The following PIP4K2A variants were observed in gnomAD, a reference collection of about 807,000 sequenced individuals.
The protein encoded by PIP4K2A is phosphatidylinositol-5-phosphate 4-kinase type 2 alpha.
In PIP4K2A, 14 loss-of-function variants were observed where a neutral mutation model predicts 42.9. The observed-to-expected ratio is 0.33, with a 90% confidence interval of 0.22 to 0.51. The LOEUF is 0.51. PIP4K2A is among the 20% of genes least tolerant of loss of function. The pLI, the probability that PIP4K2A is intolerant of heterozygous loss-of-function variation, is 0.97. For synonymous variants in PIP4K2A, 192 were observed against 192.2 expected, an observed-to-expected ratio of 1.00 and a Z score of 0.01; for missense variants, 434 against 519.8, an observed-to-expected ratio of 0.83 and a Z score of 1.61.
intron 8 of PIP4K2A, among the ~76,000 whole-genome samples, chr10:22,541,420 T>A (rs1202687191): frequency 6.6e-6 from 1 of 152,256 alleles, no homozygotes; most frequent in Non-Finnish European, 1.5e-5. Flanking sequence ...CAAAAACGTA[T>A]TAATATTTTA....
chr10:22,711,812 C>A (rs1004516898), intron 1 of PIP4K2A, among the ~76,000 whole-genome samples: 2 of 152,124 alleles, frequency 1.3e-5, no homozygotes, highest in African/African-American at 2.4e-5. Context: ...AAAATGAAAT[C>A]AAACCAGAAA....
rs74121865 is a variant in PIP4K2A, at chr10:22,629,437, C to T, written c.145-19720G>A. 2.2e-3 allele frequency among the ~76,000 whole-genome samples: 333 copies of T among 152,052 alleles called. 1 individual carries two copies. Among genetic ancestry groups the T allele is most frequent in the African/African-American group, 7.4e-3 (307 of 41,474 alleles). On this transcript the variant is annotated intron_variant, in intron 1 of 9. Coordinates refer to ENST00000376573, the MANE Select transcript of PIP4K2A (RefSeq NM_005028.5). ...TAGAATGGAATGACAATTTTTATTT[C>T]GAGGAAAGCAATCTATGCTAACTAT...
At chr10:22,564,158 G>A (rs553079510) in intron 6 of PIP4K2A, among the ~76,000 whole-genome samples, 6 of 152,284 alleles carry the variant, frequency 3.9e-5, no homozygotes, top group Middle Eastern at 3.4e-3. Flanking sequence ...GTGCAACAGC[G>A]GAACGGAAGA....
At chr10:22,664,152 CACAT>C (rs1370515192) in intron 1 of PIP4K2A, among the ~76,000 whole-genome samples, 634 of 20,772 alleles carry the variant, frequency 0.031, 52 homozygotes, top group African/African-American at 0.13. Flanking sequence ...CATATATATA[CACAT>C]ATATATATAT....
intron 1 of PIP4K2A, among the ~76,000 whole-genome samples, chr10:22,682,401 A>G (rs1839681781): frequency 6.6e-6 from 1 of 152,218 alleles, no homozygotes; most frequent in South Asian, 2.1e-4. Context: ...TTTTCTAGAA[A>G]AGGCCAGCAA....
intron 1 of PIP4K2A, among the ~76,000 whole-genome samples, chr10:22,708,022 G>A (rs921672978): frequency 1.3e-5 from 2 of 152,210 alleles, no homozygotes; most frequent in African/African-American, 4.8e-5. Flanking sequence ...AGCTAGGGGG[G>A]TTTAATATCA....
intron 1 of PIP4K2A, among the ~76,000 whole-genome samples, chr10:22,695,274 A>G (rs538238981): frequency 2.0e-5 from 3 of 152,336 alleles, no homozygotes; most frequent in East Asian, 3.9e-4. Context: ...GTATAAGACA[A>G]AATAATTCAG....
At chr10:22,593,788 C>T (rs1250163552) in intron 3 of PIP4K2A, among the ~76,000 whole-genome samples, 3 of 152,146 alleles carry the variant, frequency 2.0e-5, no homozygotes, top group Non-Finnish European at 4.4e-5. Context: ...TTATGAAAGC[C>T]AGGTGGAGCA....
intron 4 of PIP4K2A, among the ~76,000 whole-genome samples, chr10:22,586,633 C>A (rs1162892172): frequency 6.6e-6 from 1 of 152,128 alleles, no homozygotes; most frequent in African/African-American, 2.4e-5. Flanking sequence ...TGGGTTCAAG[C>A]GATTCTCATG....
At chr10:22,566,179 G>A (rs1189098758) in intron 6 of PIP4K2A, among the ~76,000 whole-genome samples, 2 of 152,098 alleles carry the variant, frequency 1.3e-5, no homozygotes, top group African/African-American at 4.8e-5. Flanking sequence ...AAAACTTGCT[G>A]TTTTTTGTGG....
chr10:22,708,619 C>T (rs994488404), intron 1 of PIP4K2A, among the ~76,000 whole-genome samples: 1 of 152,164 alleles, frequency 6.6e-6, no homozygotes, highest in African/African-American at 2.4e-5. Flanking sequence ...AAGGGCTCAT[C>T]ACATACAGTT....
chr10:22,613,903 G>C (rs566966448), intron 1 of PIP4K2A, among the ~76,000 whole-genome samples: 1 of 152,326 alleles, frequency 6.6e-6, no homozygotes, highest in African/African-American at 2.4e-5. Context: ...TGGAAAGTCA[G>C]TACAAAACAA....
At chr10:22,660,765 T>C (rs1839191048) in intron 1 of PIP4K2A, among the ~76,000 whole-genome samples, 1 of 151,670 alleles carries the variant, frequency 6.6e-6, no homozygotes, top group Admixed American at 6.6e-5. Context: ...CATCAATAAA[T>C]AATCAATACA....
At chr10:22,647,440 A>G (rs1027773227) in intron 1 of PIP4K2A, among the ~76,000 whole-genome samples, 11 of 152,122 alleles carry the variant, frequency 7.2e-5, no homozygotes, top group African/African-American at 2.2e-4. Context: ...AGGGAAGCAG[A>G]TAAGAAAGTG....
intron 4 of PIP4K2A, among the ~76,000 whole-genome samples, chr10:22,590,102 CGT>C (rs1235811244): frequency 7.9e-5 from 12 of 152,156 alleles, no homozygotes; most frequent in Admixed American, 4.6e-4. Context: ...TGCCAACACA[CGT>C]GAGGCTACAG....
At position 22,548,736 on chromosome 10, in the gene PIP4K2A, TTTTG is replaced by T. The variant is rs544802811; in HGVS notation, c.792+1919_792+1922del. On this transcript the variant is annotated intron_variant, in intron 7 of 9. Coordinates refer to ENST00000376573, the MANE Select transcript of PIP4K2A (RefSeq NM_005028.5). The stretch of plus-strand genomic sequence containing the variant: ...AAGAGAAAAGCAAACACTTGTATCG[TTTTG>T]TTTGTTTGAAGTAGATGCTTACAGG... 1.1e-3 allele frequency among the ~76,000 whole-genome samples: 175 copies of T among 152,290 alleles called. 2 individuals are homozygous for T. Among genetic ancestry groups the T allele is most frequent in the Middle Eastern group, 3.4e-3 (1 of 294 alleles).
At chr10:22,678,301 C>T (rs1839597971) in intron 1 of PIP4K2A, among the ~76,000 whole-genome samples, 1 of 152,004 alleles carries the variant, frequency 6.6e-6, no homozygotes, top group Non-Finnish European at 1.5e-5. Flanking sequence ...GATACGGCAC[C>T]ACACATGTGC....
chr10:22,569,839 A>T (rs1005917934), intron 5 of PIP4K2A, among the ~76,000 whole-genome samples: 8 of 152,222 alleles, frequency 5.3e-5, no homozygotes, highest in Non-Finnish European at 1.2e-4. Flanking sequence ...ATTAAAAAAA[A>T]TAGAAAAGGA....
chr10:22,703,373 C>A (rs1833752835), intron 1 of PIP4K2A, among the ~76,000 whole-genome samples: 1 of 152,142 alleles, frequency 6.6e-6, no homozygotes, highest in Non-Finnish European at 1.5e-5. Context: ...CATGCCACTG[C>A]ACTCCAGCCC....
Sources: allele counts gnomAD v4.1 joint callset (sites outside exome capture counted in the v4.1 genomes callset), GRCh38; gene constraint gnomAD v4.1.1; transcripts MANE v1.5; gene names NCBI Gene and HGNC (gene_info 2026-07-23, HGNC 2026-07-21).